CDC123: variants seen among roughly 807,000 people sequenced by gnomAD.
CDC123 encodes the protein cell division cycle 123, also known as translation initiation factor eIF2 assembly protein.
Under a neutral mutation model 54.4 loss-of-function variants are expected in CDC123, and 37 were observed. That is an observed-to-expected ratio of 0.68 (90% CI 0.52 to 0.89). The LOEUF (loss-of-function observed/expected upper bound fraction) is 0.89. CDC123 is among the 40% of genes least tolerant of loss of function. The pLI, the probability that CDC123 is intolerant of heterozygous loss-of-function variation, is 0.00. For missense variants in CDC123, 361 were observed against 412.1 expected (o/e 0.88, Z 1.07); for synonymous variants, 144 against 136.8 (o/e 1.05, Z -0.37).
chr10:12,243,073 C>T (rs1446512078), intron 10 of CDC123, among the ~76,000 whole-genome samples: 2 of 151,718 alleles, frequency 1.3e-5, no homozygotes, highest in African/African-American at 2.4e-5. Flanking sequence ...GAGTACACTA[C>T]CAATTAACAG....
At chr10:12,250,189 A>G (rs1008266773) in intron 12 of CDC123, 122 bp from the exon 13 acceptor site, 4 of 582,002 alleles carry the variant, frequency 6.9e-6, no homozygotes, top group Non-Finnish European at 1.2e-5. Flanking sequence ...GAATTAAAGC[A>G]TGGTTTTCCA....
intron 4 of CDC123, among the ~76,000 whole-genome samples, chr10:12,212,787 T>C (rs1034417418): frequency 1.3e-5 from 2 of 152,204 alleles, no homozygotes; most frequent in Admixed American, 1.3e-4. Context: ...GCCGTGTGCA[T>C]AAGGTGTATA....
intron 8 of CDC123, among the ~76,000 whole-genome samples, chr10:12,235,488 G>A (rs1408441901): frequency 6.6e-6 from 1 of 152,090 alleles, no homozygotes; most frequent in East Asian, 1.9e-4. Context: ...GCCAAGTTTT[G>A]GAACCTTTAT....
intron 4 of CDC123, among the ~76,000 whole-genome samples, chr10:12,211,405 A>C (rs1199669653): frequency 6.6e-6 from 1 of 152,190 alleles, no homozygotes; most frequent in Non-Finnish European, 1.5e-5. Flanking sequence ...AGAAGAAAAA[A>C]AAAGAAGTGG....
chr10:12,233,278 TACACACACACACACACAC>T (rs57596982), intron 7 of CDC123, among the ~76,000 whole-genome samples: 1 of 145,570 alleles, frequency 6.9e-6, no homozygotes, highest in Admixed American at 7.0e-5. Context: ...GTATTTAAAA[TACACACACACACACACAC>T]ACACACACAC....
intron 10 of CDC123, among the ~76,000 whole-genome samples, chr10:12,243,488 C>A (rs932208902): frequency 1.3e-5 from 2 of 151,700 alleles, no homozygotes; most frequent in African/African-American, 4.8e-5. Flanking sequence ...GTTTTACTGA[C>A]TATAAAAAGC....
At chr10:12,218,539 T>C (rs1400322436) in intron 6 of CDC123, among the ~76,000 whole-genome samples, 1 of 152,170 alleles carries the variant, frequency 6.6e-6, no homozygotes, top group East Asian at 1.9e-4. Flanking sequence ...ACGCCAAGCC[T>C]GTGGTTTATA....
chr10:12,230,454 A>G (rs1249929410), intron 6 of CDC123, among the ~76,000 whole-genome samples: 1 of 152,114 alleles, frequency 6.6e-6, no homozygotes, highest in Non-Finnish European at 1.5e-5. Flanking sequence ...TGGCCTCCCA[A>G]AGTGGTGGGA....
intron 2 of CDC123, among the ~76,000 whole-genome samples, chr10:12,203,243 C>G (rs1277592977): frequency 6.6e-6 from 1 of 152,224 alleles, no homozygotes; most frequent in Non-Finnish European, 1.5e-5. Flanking sequence ...GCCTCATCCT[C>G]CATTACTTCC....
At chr10:12,229,918 C>T (rs1835874774) in intron 6 of CDC123, among the ~76,000 whole-genome samples, 1 of 152,208 alleles carries the variant, frequency 6.6e-6, no homozygotes, top group Non-Finnish European at 1.5e-5. Flanking sequence ...GAGAAGTAGG[C>T]TGCTGGCTCC....
intron 6 of CDC123, among the ~76,000 whole-genome samples, chr10:12,226,446 C>G (rs1277954353): frequency 6.6e-6 from 1 of 152,036 alleles, no homozygotes. Context: ...TGGAGACGCT[C>G]CTCACTTCCC....
intron 6 of CDC123, among the ~76,000 whole-genome samples, chr10:12,219,166 C>T (rs1438853633): frequency 6.6e-6 from 1 of 152,200 alleles, no homozygotes; most frequent in Non-Finnish European, 1.5e-5. Flanking sequence ...GGTCGTGCAT[C>T]AACTCTGGCG....
In CDC123 at chr10:12,230,942, C is replaced by A. The variant is rs755312166; in HGVS notation, c.441-6C>A. 1 of 1,611,604 alleles carries A rather than the reference C, an allele frequency of 6.2e-7. No homozygotes were observed. Among genetic ancestry groups the A allele is most frequent in the Non-Finnish European group, 8.5e-7 (1 of 1,179,234 alleles). On this transcript the variant is annotated splice_region_variant and splice_polypyrimidine_tract_variant and intron_variant, in intron 6 of 12. Coordinates refer to ENST00000281141, the MANE Select transcript of CDC123 (RefSeq NM_006023.3). ...GATTCAGTTGCCTTTTCTTCTTCTT[C>A]CAAAGGTTTATTCATTGTACTGATG...
intron 6 of CDC123, among the ~76,000 whole-genome samples, chr10:12,219,159 C>G (rs534001625): frequency 2.6e-5 from 4 of 152,268 alleles, no homozygotes; most frequent in Non-Finnish European, 5.9e-5. Flanking sequence ...ACGTGTCGGT[C>G]GTGCATCAAC....
chr10:12,232,873 C>T (rs1010310405), intron 7 of CDC123, among the ~76,000 whole-genome samples: 24 of 151,876 alleles, frequency 1.6e-4, no homozygotes, highest in African/African-American at 5.8e-4. Context: ...CATTCTCCTG[C>T]CTCAGCCTCC....
chr10:12,218,281 C>CT (rs1835689026), intron 6 of CDC123, among the ~76,000 whole-genome samples: 3 of 129,772 alleles, frequency 2.3e-5, no homozygotes, highest in Non-Finnish European at 3.1e-5. Context: ...GGGTCTCACT[C>CT]TGTCTCCCAG....
chr10:12,216,670 T>C (rs1835669294), intron 5 of CDC123, among the ~76,000 whole-genome samples: 1 of 152,210 alleles, frequency 6.6e-6, no homozygotes, highest in Non-Finnish European at 1.5e-5. Context: ...AACTGGATAG[T>C]GGTTTGCAAC....
At chr10:12,212,291 T>G (rs1835613176) in intron 4 of CDC123, among the ~76,000 whole-genome samples, 1 of 152,104 alleles carries the variant, frequency 6.6e-6, no homozygotes, top group African/African-American at 2.4e-5. Flanking sequence ...AAATTGAAGC[T>G]TCTTGGAGAT....
chr10:12,225,263 C>T (rs1252126705), intron 6 of CDC123, among the ~76,000 whole-genome samples: 1 of 152,134 alleles, frequency 6.6e-6, no homozygotes, highest in African/African-American at 2.4e-5. Context: ...GGCTTGGTGG[C>T]ACACGCCTGT....
Sources: allele counts gnomAD v4.1 joint callset (sites outside exome capture counted in the v4.1 genomes callset), GRCh38; gene constraint gnomAD v4.1.1; transcripts MANE v1.5; gene names NCBI Gene and HGNC (gene_info 2026-07-23, HGNC 2026-07-21).